SLC24A1: variants seen among roughly 807,000 people sequenced by gnomAD.
SLC24A1 encodes sodium/potassium/calcium exchanger 1.
In SLC24A1, 52 loss-of-function variants were observed where a neutral mutation model predicts 88.1. The ratio of observed to expected loss-of-function variants is 0.59; its 90% confidence interval spans 0.47 to 0.74. The LOEUF (loss-of-function observed/expected upper bound fraction) is 0.74, where lower values mean the gene tolerates loss of function less well. SLC24A1 is among the 30% of genes least tolerant of loss of function. The pLI, the probability that SLC24A1 is intolerant of heterozygous loss-of-function variation, is 0.00. For synonymous variants in SLC24A1, 455 were observed against 498.0 expected, an observed-to-expected ratio of 0.91 and a Z score of 1.15; for missense variants, 1,173 against 1,363.3, an observed-to-expected ratio of 0.86 and a Z score of 2.20.
chr15:65,651,776 A>C lies in SLC24A1; in HGVS notation c.2883+17A>C, dbSNP rs889638623. On this transcript the variant is annotated intron_variant, in intron 8 of 9. Transcript: ENST00000261892. ...GCTCACCAGGTGAGTGAACAGCAGG[A>C]ACGAAATCCTCTACCAGCAGGTCCC... 7.2e-7 allele frequency: 1 copy of C among 1,386,070 alleles called. No homozygotes were observed. The highest frequency in any genetic ancestry group is 1.4e-5 in the African/African-American group (1 of 70,622). The allele number at this position is 1,386,070 out of a possible 1,614,324, so 85.9% of individuals were successfully genotyped here. A position where few individuals can be genotyped will look rare whatever the true frequency, so the allele number is the denominator to read the frequency against.
upstream of SLC24A1, among the ~76,000 whole-genome samples, chr15:65,618,316 T>C (rs1241649931): frequency 6.6e-6 from 1 of 152,224 alleles, no homozygotes; most frequent in East Asian, 1.9e-4. Context: ...ATATATACTG[T>C]TCTGCATCTT....
At chr15:65,657,311 A>G (rs976298708), downstream of SLC24A1, among the ~76,000 whole-genome samples, 16 of 152,218 alleles carry the variant, frequency 1.1e-4, no homozygotes, top group African/African-American at 3.9e-4. Flanking sequence ...AGGGGGCAGG[A>G]ATTGGAATGT....
Position 65,654,316 on chromosome 15 carries a change from A to G in SLC24A1, c.*237A>G, listed in dbSNP as rs963292922. ...GAGTTTCTACCCCTGACTCATGCAG[A>G]CATCTATTACATGGAGGCAGTAGAA... On this transcript the variant is annotated 3_prime_UTR_variant, in exon 10 of 10. Transcript: ENST00000261892. The G allele has an allele frequency of 3.8e-6, 5 of 1,317,858 alleles. No homozygotes were observed. The Admixed American group carries it at 1.1e-4, about 28-fold the overall frequency. The allele number at this position is 1,317,858 out of a possible 1,614,324, so 81.6% of individuals were successfully genotyped here.
At chr15:65,643,596 C>T (rs926698305) in intron 4 of SLC24A1, among the ~76,000 whole-genome samples, 9 of 152,218 alleles carry the variant, frequency 5.9e-5, no homozygotes, top group Non-Finnish European at 1.2e-4. Context: ...GTTCCTTCTT[C>T]CCTTCTCACC....
chr15:65,628,167 C>T (rs2074583044), intron 2 of SLC24A1, among the ~76,000 whole-genome samples: 1 of 152,158 alleles, frequency 6.6e-6, no homozygotes, highest in Admixed American at 6.5e-5. Flanking sequence ...CCATGTTGCC[C>T]AGGCTGGTCT....
In SLC24A1 at chr15:65,624,560, A is replaced by G. The variant is rs1318741004; in HGVS notation, c.480A>G (p.Arg160=). The change falls in exon 2 of 10, where the codon AGA becomes AGG. Residue 160 remains arginine, a synonymous_variant. Coordinates refer to ENST00000261892, the MANE Select transcript of SLC24A1 (RefSeq NM_004727.3). ...CTTACTACACCTCAACTTCAAGCAG[A>G]CAAATAGTAAAAAAGTATACCCCAA... ...TLTYYTSTSS[R]QIVKKYTPTP... is the part of the protein sequence containing the mutation. The G allele has an allele frequency of 1.9e-6, 3 of 1,597,198 alleles. No homozygotes were observed. Among genetic ancestry groups the G allele is most frequent in the Non-Finnish European group, 2.6e-6 (3 of 1,171,732 alleles).
upstream of SLC24A1, among the ~76,000 whole-genome samples, chr15:65,619,620 G>T (rs1263702957): frequency 1.3e-5 from 2 of 151,818 alleles, no homozygotes; most frequent in East Asian, 1.9e-4. Context: ...AGAGTCAGCT[G>T]CAACTCCTGA....
chr15:65,625,661 C>T lies in SLC24A1; in HGVS notation c.1581C>T (p.Thr527=). Residue 527 remains threonine, a synonymous_variant, in exon 2 of 10, where the codon ACC becomes ACT. Transcript: ENST00000261892. ...FISHSNVGIG[T]IVGSAVFNIL... is the part of the protein sequence containing the mutation. ...CCCACAGCAACGTGGGCATTGGTAC[C>T]ATTGTGGGCTCTGCTGTGTTCAACA... 6.2e-7 allele frequency: 1 copy of T among 1,614,040 alleles called. No individual in the cohort carries two copies. Among genetic ancestry groups the T allele is most frequent in the African/African-American group, 1.3e-5 (1 of 75,060 alleles).
intron 2 of SLC24A1, among the ~76,000 whole-genome samples, chr15:65,614,340 T>G (rs1452909220): frequency 6.6e-6 from 1 of 152,174 alleles, no homozygotes; most frequent in African/African-American, 2.4e-5. Flanking sequence ...ATTATCAAAT[T>G]TAACATAATT....
chr15:65,631,409 G>A (rs2074720168), intron 2 of SLC24A1, among the ~76,000 whole-genome samples: 1 of 152,134 alleles, frequency 6.6e-6, no homozygotes. Flanking sequence ...TACTATAAAG[G>A]AAATAAACAG....
chr15:65,618,045 C>G (rs888959405), upstream of SLC24A1, among the ~76,000 whole-genome samples: 7 of 152,170 alleles, frequency 4.6e-5, no homozygotes, highest in African/African-American at 1.4e-4. Context: ...GAAAAATAAG[C>G]ATTTGCTTTC....
chr15:65,656,494 C>G (rs766940468), downstream of SLC24A1, among the ~76,000 whole-genome samples: 2 of 152,208 alleles, frequency 1.3e-5, no homozygotes, highest in Admixed American at 6.5e-5. Context: ...TTTGGTCACA[C>G]ATTTACAAAC....
At chr15:65,629,683 T>C (rs924519872) in intron 2 of SLC24A1, among the ~76,000 whole-genome samples, 1 of 152,224 alleles carries the variant, frequency 6.6e-6, no homozygotes, top group Non-Finnish European at 1.5e-5. Context: ...GCAGAGGCGC[T>C]AGGCTGGCTG....
Position 65,625,187 on chromosome 15 carries a change from G to A in SLC24A1, c.1107G>A (p.Lys369=), listed in dbSNP as rs780962971. The change falls in exon 2 of 10, where the codon AAG becomes AAA. Residue 369 remains lysine, a synonymous_variant. Transcript: ENST00000261892. The part of the protein sequence containing the change: ...TAPAIVWRLA[K]KPSTAPSTST... ...CAGCCATAGTCTGGAGGCTGGCAAAGAAACCTTCCACAGCACCCAGCACCT... is the reference window on the plus strand; with the variant it reads ...CAGCCATAGTCTGGAGGCTGGCAAAAAAACCTTCCACAGCACCCAGCACCT... 1.2e-6 allele frequency: 2 copies of A among 1,613,910 alleles called. No individual in the cohort carries two copies. Among genetic ancestry groups the A allele is most frequent in the East Asian group, 2.2e-5 (1 of 44,880 alleles).
chr15:65,650,543 T>C lies in SLC24A1; in HGVS notation c.2394T>C (p.Asn798=). 6.4e-7 allele frequency: 1 copy of C among 1,551,278 alleles called. No individual in the cohort carries two copies. The highest frequency in any genetic ancestry group is 8.7e-7 in the Non-Finnish European group (1 of 1,146,926). ...QGKGEECEDE[N]EAEGKGDNEG... is the part of the protein sequence containing the mutation. The stretch of plus-strand genomic sequence containing the variant: ...AAGGAGAAGAATGTGAAGATGAAAA[T>C]GAAGCAGAAGGAAAAGGAGACAATG... The change falls in exon 7 of 10, where the codon AAT becomes AAC. Residue 798 remains asparagine (N), a synonymous_variant. Coordinates refer to ENST00000261892, the MANE Select transcript of SLC24A1 (RefSeq NM_004727.3). This position sits in a 1 kb window ranked among gnomAD's most constrained non-coding sequence, Gnocchi z 4.1.
At position 65,653,885 on chromosome 15, in the gene SLC24A1, G is replaced by A. The variant is rs2141737136; in HGVS notation, c.3106G>A (p.Val1036Ile). The A allele has an allele frequency of 2.5e-6, 4 of 1,613,908 alleles. No homozygotes were observed. The Admixed American group carries it at 6.7e-5, about 27-fold the overall frequency. The change falls in exon 10 of 10, where the codon GTC becomes ATC. Residue 1036 changes from valine (V) to isoleucine (I), a missense_variant. Transcript: ENST00000261892. ...SLINGLQPVP[V>I]SSNGLFCAIV... is the part of the protein sequence containing the mutation. Reference sequence around the variant, plus strand: ...TATCAATGGATTACAGCCAGTTCCAGTCAGCAGCAATGGCTTGTTTTGTGC... The same window carrying A: ...TATCAATGGATTACAGCCAGTTCCAATCAGCAGCAATGGCTTGTTTTGTGC...
intron 8 of SLC24A1, chr15:65,652,371 A>G (rs1446957111): frequency 1.1e-5 from 4 of 362,624 alleles, no homozygotes; most frequent in Non-Finnish European, 2.0e-5. Context: ...AGTTGGAATG[A>G]CAGTGAGCAG....
downstream of SLC24A1, among the ~76,000 whole-genome samples, chr15:65,658,684 C>A (rs1035269426): frequency 2.6e-5 from 4 of 152,068 alleles, no homozygotes; most frequent in African/African-American, 9.7e-5. Context: ...TGTCGGTATT[C>A]AAAAAGTTTT....
chr15:65,656,577 G>A (rs2075690465), downstream of SLC24A1, among the ~76,000 whole-genome samples: 1 of 152,160 alleles, frequency 6.6e-6, no homozygotes, highest in African/African-American at 2.4e-5. Flanking sequence ...ATATTGAGAT[G>A]GTCCTCTCAC....
Sources: allele counts gnomAD v4.1 joint callset (sites outside exome capture counted in the v4.1 genomes callset), GRCh38; gene constraint gnomAD v4.1.1; non-coding constraint Gnocchi (gnomAD v3.1); transcripts MANE v1.5; gene names NCBI Gene and HGNC (gene_info 2026-07-23, HGNC 2026-07-21).